The following TRIP12 variants were observed in gnomAD, a reference collection of about 807,000 sequenced individuals.
TRIP12 encodes E3 ubiquitin-protein ligase TRIP12.
In TRIP12, 25 loss-of-function variants were observed where a neutral mutation model predicts 244.2. The observed-to-expected ratio is 0.10, with a 90% CI of 0.07 to 0.14. The LOEUF is 0.14. TRIP12 is among the 10% of genes least tolerant of loss of function. The pLI is 1.00. For synonymous variants in TRIP12, 905 were observed against 873.1 expected (o/e 1.04, Z -0.64); for missense variants, 1,677 against 2,486.4 (o/e 0.67, Z 6.92).
chr2:229,872,130 A>G (rs998543540), intron 2 of TRIP12, among the ~76,000 whole-genome samples: 9 of 149,102 alleles, frequency 6.0e-5, no homozygotes, highest in African/African-American at 1.2e-4. Flanking sequence ...AAAAAAAAAA[A>G]AAGAAGCCTA....
chr2:229,920,082 G>A (rs1375398973), intron 1 of TRIP12, among the ~76,000 whole-genome samples: 1 of 152,120 alleles, frequency 6.6e-6, no homozygotes, highest in African/African-American at 2.4e-5. Flanking sequence ...GGGTGTAAAT[G>A]CGACACACAC....
At chr2:229,874,668 G>T (rs986813856) in intron 2 of TRIP12, among the ~76,000 whole-genome samples, 1 of 151,500 alleles carries the variant, frequency 6.6e-6, no homozygotes, top group Non-Finnish European at 1.5e-5. Context: ...GATCTCTGTG[G>T]AATTTTGAAA....
intron 17 of TRIP12, 143 bp downstream of exon 17, chr2:229,807,565 T>C: frequency 1.9e-6 from 2 of 1,059,346 alleles, no homozygotes; most frequent in Non-Finnish European, 2.9e-6. Context: ...ATGAGGACCT[T>C]GTTCTCAGGA....
intron 6 of TRIP12, among the ~76,000 whole-genome samples, chr2:229,832,159 T>TA (rs546804841): frequency 2.7e-4 from 41 of 150,346 alleles, no homozygotes; most frequent in Middle Eastern, 3.4e-3. Context: ...TTATTGGGAT[T>TA]AAAAAAAAAA....
chr2:229,827,660 C>T (rs535718), intron 8 of TRIP12, among the ~76,000 whole-genome samples: 148,766 of 152,194 alleles, frequency 0.98, 72,806 homozygotes, highest in Middle Eastern at 1. Context: ...ACAACAATGC[C>T]TTCTTCTGGA....
chr2:229,856,082 T>C (rs2059566349), intron 4 of TRIP12, among the ~76,000 whole-genome samples: 1 of 152,106 alleles, frequency 6.6e-6, no homozygotes, highest in Non-Finnish European at 1.5e-5. Context: ...ACCATTTTTT[T>C]TAAAAGAATA....
chr2:229,903,038 C>A (rs1176584480), intron 1 of TRIP12, among the ~76,000 whole-genome samples: 2 of 61,462 alleles, frequency 3.3e-5, no homozygotes, highest in Admixed American at 1.8e-4. Flanking sequence ...TTTTTTTTTG[C>A]CAGAAGTATG....
In TRIP12 at chr2:229,764,338, G is replaced by T. The variant is rs1177964039; in HGVS notation, c.*3216C>A. ...TCAGAGAATCATAAATACAGAATATGACATTTCCAAACAATTATTCTCATT... is the reference window on the plus strand; with the variant it reads ...TCAGAGAATCATAAATACAGAATATTACATTTCCAAACAATTATTCTCATT... On this transcript the variant is annotated 3_prime_UTR_variant, in exon 42 of 42. Coordinates refer to ENST00000675903, the MANE Select transcript of TRIP12 (RefSeq NM_001348323.3). 1 of 152,068 alleles carries T rather than the reference G, an allele frequency of 6.6e-6. No homozygotes were observed. Among genetic ancestry groups the T allele is most frequent in the Non-Finnish European group, 1.5e-5 (1 of 68,020 alleles). 9.4% of individuals were successfully genotyped at this position (152,068 alleles called of 1,614,324 possible). A position where few individuals can be genotyped will look rare whatever the true frequency, so the allele number is the denominator to read the frequency against.
chr2:229,790,325 T>C (rs190555745), intron 30 of TRIP12, among the ~76,000 whole-genome samples: 44 of 152,294 alleles, frequency 2.9e-4, no homozygotes, highest in Admixed American at 2.7e-3. Flanking sequence ...CATTTACTTA[T>C]AGCAAGCAAA....
At chr2:229,827,817 AT>A (rs539724453) in intron 8 of TRIP12, among the ~76,000 whole-genome samples, 2 of 151,736 alleles carry the variant, frequency 1.3e-5, no homozygotes, top group African/African-American at 4.8e-5. Flanking sequence ...ATATTGTAAG[AT>A]TTTTTTTTAA....
intron 8 of TRIP12, among the ~76,000 whole-genome samples, chr2:229,819,224 A>G (rs74393315): frequency 6.6e-6 from 1 of 152,226 alleles, no homozygotes; most frequent in Non-Finnish European, 1.5e-5. Context: ...GTACGTTGTC[A>G]TTAAGCTAAA....
At chr2:229,906,412 C>T (rs969244408) in intron 1 of TRIP12, among the ~76,000 whole-genome samples, 3 of 150,314 alleles carry the variant, frequency 2.0e-5, no homozygotes, top group African/African-American at 7.3e-5. Flanking sequence ...AAATAAAAGA[C>T]TTCCATTAAT....
At chr2:229,912,228 T>A (rs1329896037) in intron 1 of TRIP12, among the ~76,000 whole-genome samples, 1 of 152,170 alleles carries the variant, frequency 6.6e-6, no homozygotes, top group East Asian at 1.9e-4. Context: ...ACTACTTCTA[T>A]CTCCTCCAAA....
intron 1 of TRIP12, among the ~76,000 whole-genome samples, chr2:229,911,935 T>C (rs1436370306): frequency 2.0e-5 from 3 of 152,100 alleles, no homozygotes; most frequent in African/African-American, 7.2e-5. Context: ...TTAAACATAA[T>C]TTCACTGTAT....
chr2:229,860,731 C>G lies in TRIP12; in HGVS notation c.99-200G>C, dbSNP rs533935625. Among the ~76,000 whole-genome samples, 7 of 152,210 alleles carry G rather than the reference C, an allele frequency of 4.6e-5. No homozygotes were observed. The South Asian group carries it at 1.5e-3, about 32-fold the overall frequency. Reference sequence around the variant, plus strand: ...AAGAAATTGCCTCTCAGAACCACCCCCGCCCCGCAATACCGAAGAGTTTAT... The same window carrying G: ...AAGAAATTGCCTCTCAGAACCACCCGCGCCCCGCAATACCGAAGAGTTTAT... On this transcript the variant is annotated intron_variant, in intron 2 of 41. Coordinates refer to ENST00000675903, the MANE Select transcript of TRIP12 (RefSeq NM_001348323.3).
intron 9 of TRIP12, among the ~76,000 whole-genome samples, chr2:229,817,153 A>G (rs1030333437): frequency 6.6e-6 from 1 of 152,134 alleles, no homozygotes; most frequent in Middle Eastern, 3.2e-3. Flanking sequence ...TCTCACCAAA[A>G]CTCAAGCTAT....
At position 229,818,372 on chromosome 2, in the gene TRIP12, G is replaced by T. The variant is rs1368878276; in HGVS notation, c.1591C>A (p.Pro531Thr). ...LGGFPVKSVVPALITLLQMEH... is the reference protein window; with the variant it reads ...LGGFPVKSVVTALITLLQMEH... ...AAAAACATTATGCTTACCAAAGCTG[G>T]AACAACACTCTTGACAGGAAACCCT... The change falls in exon 9 of 42, where the codon CCA (proline) becomes ACA (threonine). Residue 531 changes from proline (P) to threonine (T), a missense_variant. This residue lies in a region of TRIP12 where 572 missense variants were observed against 867.8 expected (regional missense o/e 0.66). Coordinates refer to ENST00000675903, the MANE Select transcript of TRIP12 (RefSeq NM_001348323.3). 1 of 1,613,668 alleles carries T rather than the reference G, an allele frequency of 6.2e-7. No homozygotes were observed. Among genetic ancestry groups the T allele is most frequent in the Non-Finnish European group, 8.5e-7 (1 of 1,179,858 alleles).
At position 229,855,622 on chromosome 2, in the gene TRIP12, AAAG is replaced by A. The variant is rs1401117036; in HGVS notation, c.1027+3147_1027+3149del. 6.5e-3 allele frequency among the ~76,000 whole-genome samples: 848 copies of A among 131,462 alleles called. 7 individuals are homozygous for A. Among genetic ancestry groups the A allele is most frequent in the East Asian group, 0.033 (143 of 4,310 alleles). 86.2% of individuals were successfully genotyped at this position (131,462 alleles called of 152,430 possible). ...AGGGTTTAAAAAAAAAAAAAAAAAA[AAAG>A]AGAAAAGAAAATGCTTCATTCAAGG... On this transcript the variant is annotated intron_variant, in intron 4 of 41. Transcript: ENST00000675903.
chr2:229,853,635 C>T (rs1012295385), intron 4 of TRIP12, among the ~76,000 whole-genome samples: 3 of 151,752 alleles, frequency 2.0e-5, no homozygotes, highest in African/African-American at 7.3e-5. Flanking sequence ...CCAGACTGGG[C>T]GACAAGAATG....
Sources: allele counts gnomAD v4.1 joint callset (sites outside exome capture counted in the v4.1 genomes callset), GRCh38; gene constraint gnomAD v4.1.1; regional missense constraint gnomAD v4.1.1; transcripts MANE v1.5; gene names NCBI Gene and HGNC (gene_info 2026-07-23, HGNC 2026-07-21).